SYCP2: variants seen among roughly 807,000 people sequenced by gnomAD.
The protein encoded by SYCP2 is synaptonemal complex protein 2.
In SYCP2, 55 loss-of-function variants were observed where a neutral mutation model predicts 211.3. The ratio of observed to expected loss-of-function variants is 0.26; its 90% confidence interval spans 0.21 to 0.33. The LOEUF (loss-of-function observed/expected upper bound fraction) is 0.33. Among genes scored for constraint, SYCP2 ranks in the 10% least tolerant of loss-of-function variants. The pLI, the probability that SYCP2 is intolerant of heterozygous loss-of-function variation, is 1.00. For synonymous variants in SYCP2, 570 were observed against 555.2 expected (o/e 1.03, Z -0.37); for missense variants, 1,731 against 1,752.0 (o/e 0.99, Z 0.21).
chr20:59,894,072 A>T (rs924521632), intron 20 of SYCP2, among the ~76,000 whole-genome samples: 1 of 152,066 alleles, frequency 6.6e-6, no homozygotes, highest in Admixed American at 6.6e-5. Flanking sequence ...TTACCCAGGT[A>T]ACTTCTTTCC....
chr20:59,915,298 T>C (rs1156365506), intron 9 of SYCP2, 99 bp from the exon 10 acceptor site: 1 of 1,074,026 alleles, frequency 9.3e-7, no homozygotes, highest in Non-Finnish European at 1.4e-6. Flanking sequence ...AATTTACAAT[T>C]GGCTAATATC....
intron 14 of SYCP2, among the ~76,000 whole-genome samples, chr20:59,908,550 C>T (rs147226113): frequency 2.0e-4 from 31 of 152,266 alleles, no homozygotes; most frequent in African/African-American, 6.3e-4. Context: ...AGTTGGCATA[C>T]TCTATTCCCA....
At chr20:59,877,331 A>G (rs2059580977) in intron 33 of SYCP2, 54 bp downstream of exon 33, 5 of 1,196,298 alleles carry the variant, frequency 4.2e-6, no homozygotes, top group Non-Finnish European at 4.4e-6. Context: ...ACAAAAATAT[A>G]TATTTAGTAT....
chr20:59,886,694 T>A lies in SYCP2; in HGVS notation c.2492+13A>T. 1 of 1,528,546 alleles carries A rather than the reference T, an allele frequency of 6.5e-7. No homozygotes were observed. The highest frequency in any genetic ancestry group is 2.3e-5 in the East Asian group (1 of 42,554). The allele number at this position is 1,528,546 out of a possible 1,614,324, so 94.7% of individuals were successfully genotyped here. A position where few individuals can be genotyped will look rare whatever the true frequency, so the allele number is the denominator to read the frequency against. ...GTCAGAAAAATATTCATGTCTGAAA[T>A]TTAAGAACATACCTGTTAATCAAAG... On this transcript the variant is annotated intron_variant, in intron 25 of 44. Coordinates refer to ENST00000357552, the MANE Select transcript of SYCP2 (RefSeq NM_014258.4).
chr20:59,917,462 A>AGG (rs2060464266), intron 7 of SYCP2, among the ~76,000 whole-genome samples: 1 of 152,214 alleles, frequency 6.6e-6, no homozygotes, highest in African/African-American at 2.4e-5. Context: ...CATAAAAAGA[A>AGG]AAAAGTACTC....
At chr20:59,897,942 A>G (rs2060041966) in intron 18 of SYCP2, among the ~76,000 whole-genome samples, 1 of 152,098 alleles carries the variant, frequency 6.6e-6, no homozygotes, top group Non-Finnish European at 1.5e-5. Context: ...ACAAACAAAA[A>G]CAAAAACAAA....
rs769285613 is a variant in SYCP2, at chr20:59,900,239, C to T, written c.1303G>A (p.Val435Ile). The T allele has an allele frequency of 9.3e-6, 15 of 1,612,302 alleles. No individual in the cohort carries two copies. Among genetic ancestry groups the T allele is most frequent in the African/African-American group, 8.0e-5 (6 of 74,776 alleles). ...SQISPVGEEL[V>I]SLKEKSKSPK... Reference sequence around the variant, plus strand: ...GACTTTGATTTTTCCTTTAAACTAACGAGCTCTTCTCCGACTGGTGAGATT... The same window carrying T: ...GACTTTGATTTTTCCTTTAAACTAATGAGCTCTTCTCCGACTGGTGAGATT... Residue 435 changes from valine (V) to isoleucine (I), a missense_variant, in exon 18 of 45, where the codon GTT becomes ATT. Val to Ile is a conservative substitution (Grantham distance 29, BLOSUM62 3). Transcript: ENST00000357552.
At chr20:59,912,480 T>C (rs1176308244) in intron 12 of SYCP2, 62 bp from the exon 13 acceptor site, 3 of 608,342 alleles carry the variant, frequency 4.9e-6, no homozygotes, top group Non-Finnish European at 8.2e-6. Flanking sequence ...TCTTGTCCAG[T>C]AATAGAAATC....
chr20:59,919,391 C>A, intron 6 of SYCP2, 102 bp downstream of exon 6: 1 of 864,818 alleles, frequency 1.2e-6, no homozygotes, highest in Non-Finnish European at 1.9e-6. Flanking sequence ...AGTCACCAAC[C>A]AATCTGTTAG....
chr20:59,874,080 A>G lies in SYCP2; in HGVS notation c.3350-19T>C. 1 of 1,416,288 alleles carries G rather than the reference A, an allele frequency of 7.1e-7. No homozygotes were observed. Among genetic ancestry groups the G allele is most frequent in the Non-Finnish European group, 9.6e-7 (1 of 1,042,624 alleles). The allele number at this position is 1,416,288 out of a possible 1,614,324, so 87.7% of individuals were successfully genotyped here. ...TCTATACCTATATTGCATCAAAATA[A>G]AAAAGAAAATAGATGGCAAGCGTTA... On this transcript the variant is annotated intron_variant, in intron 34 of 44. Coordinates refer to ENST00000357552, the MANE Select transcript of SYCP2 (RefSeq NM_014258.4).
At chr20:59,927,656 G>A (rs1441053283) in intron 2 of SYCP2, among the ~76,000 whole-genome samples, 1 of 152,150 alleles carries the variant, frequency 6.6e-6, no homozygotes, top group African/African-American at 2.4e-5. Flanking sequence ...GCTAGGAAAT[G>A]TTAGAGAGAA....
At chr20:59,914,798 C>T (rs1160574280) in intron 10 of SYCP2, among the ~76,000 whole-genome samples, 1 of 151,852 alleles carries the variant, frequency 6.6e-6, no homozygotes, top group Non-Finnish European at 1.5e-5. Flanking sequence ...AATTTCTTAG[C>T]ACAAGTAGTT....
chr20:59,921,564 T>G, intron 3 of SYCP2, 111 bp from the exon 4 acceptor site: 1 of 649,534 alleles, frequency 1.5e-6, no homozygotes, highest in East Asian at 3.4e-5. Context: ...AATGAACTCA[T>G]AAAATATTAA....
chr20:59,900,191 A>G lies in SYCP2; in HGVS notation c.1351T>C (p.Ser451Pro), dbSNP rs2060089194. 1 of 1,613,182 alleles carries G rather than the reference A, an allele frequency of 6.2e-7. No individual in the cohort carries two copies. The highest frequency in any genetic ancestry group is 1.3e-5 in the African/African-American group (1 of 74,878). The change falls in exon 18 of 45, where the codon TCA becomes CCA. Residue 451 changes from serine (S) to proline (P), a missense_variant. Transcript: ENST00000357552. ...SKSPKEFAKPSKYIKNSDKGN... is the reference protein window; with the variant it reads ...SKSPKEFAKPPKYIKNSDKGN... ...TTGTCACTGTTTTTGATATATTTTG[A>G]AGGTTTAGCAAATTCCTTTGGGGAC...
In SYCP2 at chr20:59,873,040, A is replaced by G. The variant is rs556834358; in HGVS notation, c.3555+816T>C. Among the ~76,000 whole-genome samples the G allele has an allele frequency of 5.3e-5, 8 of 152,200 alleles. No individual in the cohort carries two copies. The South Asian group carries it at 1.7e-3, about 32-fold the overall frequency. On this transcript the variant is annotated intron_variant, in intron 35 of 44. Transcript: ENST00000357552. ...ATCTATGTATCACATTATATGTATCATTTCTTCTTAAAATATAGTAGACCC... is the reference window on the plus strand; with the variant it reads ...ATCTATGTATCACATTATATGTATCGTTTCTTCTTAAAATATAGTAGACCC...
chr20:59,864,267 C>A lies in SYCP2; in HGVS notation c.*44G>T, dbSNP rs6070976. 2.6e-5 allele frequency: 35 copies of A among 1,331,902 alleles called. No homozygotes were observed. The highest frequency in any genetic ancestry group is 1.9e-4 in the Middle Eastern group (1 of 5,328). 82.5% of individuals were successfully genotyped at this position (1,331,902 alleles called of 1,614,324 possible). ...CTATTCTTATTTCCTCAGTTATATA[C>A]AGAGAATAATAATTAGATAAAGTAT... is the stretch of plus-strand genomic sequence containing the variant. On this transcript the variant is annotated 3_prime_UTR_variant, in exon 45 of 45. Coordinates refer to ENST00000357552, the MANE Select transcript of SYCP2 (RefSeq NM_014258.4).
Position 59,893,017 on chromosome 20 carries a change from A to G in SYCP2, c.1793+125T>C, listed in dbSNP as rs145302740. 21 of 727,576 alleles carry G rather than the reference A, an allele frequency of 2.9e-5. No homozygotes were observed. The African/African-American group carries it at 3.2e-4, about 11-fold the overall frequency. The allele number at this position is 727,576 out of a possible 1,614,324, so 45.1% of individuals were successfully genotyped here. The stretch of plus-strand genomic sequence containing the variant: ...ATACATAATTCCCCATTGTGCTGTC[A>G]TAACACTTGAGAGATGATTAATACT... On this transcript the variant is annotated intron_variant, in intron 22 of 44. Coordinates refer to ENST00000357552, the MANE Select transcript of SYCP2 (RefSeq NM_014258.4).
At position 59,877,378 on chromosome 20, in the gene SYCP2, T is replaced by G. The variant is rs1461531232; in HGVS notation, c.3150+7A>C. ...TTTAGAAATTAATCTGAACTGTATC[T>G]ATTTACCTTTACTGGTATGTTCTCT... On this transcript the variant is annotated splice_region_variant and intron_variant, in intron 33 of 44. Coordinates refer to ENST00000357552, the MANE Select transcript of SYCP2 (RefSeq NM_014258.4). 1 of 1,551,680 alleles carries G rather than the reference T, an allele frequency of 6.4e-7. No homozygotes were observed.
At chr20:59,894,178 C>T (rs2059962623) in intron 20 of SYCP2, among the ~76,000 whole-genome samples, 1 of 151,936 alleles carries the variant, frequency 6.6e-6, no homozygotes, top group South Asian at 2.1e-4. Flanking sequence ...TCCCTTTAGT[C>T]TAAGCTATTT....
Sources: allele counts gnomAD v4.1 joint callset (sites outside exome capture counted in the v4.1 genomes callset), GRCh38; gene constraint gnomAD v4.1.1; transcripts MANE v1.5; gene names NCBI Gene and HGNC (gene_info 2026-07-23, HGNC 2026-07-21).